The following PXDN variants were observed in gnomAD, a reference collection of about 807,000 sequenced individuals.
The protein encoded by PXDN is peroxidasin homolog.
Under a neutral mutation model 140.3 loss-of-function variants are expected in PXDN, and 77 were observed. That is an observed-to-expected ratio of 0.55 (90% CI 0.46 to 0.66). PXDN has a LOEUF of 0.66. Ranked by LOEUF, PXDN falls within the 30% of genes least tolerant of loss-of-function variation. The pLI, the probability that PXDN is intolerant of heterozygous loss-of-function variation, is 0.00. For synonymous variants in PXDN, 911 were observed against 857.4 expected, an observed-to-expected ratio of 1.06 and a Z score of -1.09; for missense variants, 1,838 against 2,039.5, an observed-to-expected ratio of 0.90 and a Z score of 1.90.
In PXDN at chr2:1,744,412, G is replaced by A; in HGVS notation, c.44C>T (p.Ala15Val). The A allele has an allele frequency of 6.6e-7, 1 of 1,510,354 alleles. No homozygotes were observed. Among genetic ancestry groups the A allele is most frequent in the Non-Finnish European group, 8.8e-7 (1 of 1,136,482 alleles). 93.6% of individuals were successfully genotyped at this position (1,510,354 alleles called of 1,614,324 possible). ...CCCCCAGGCGCAGAACAGCACGAGC[G>A]CCAACAGGCAGCGGCGCCCGGGGCC... ...SRGPGRRCLL[A>V]LVLFCAWGTL... Residue 15 changes from alanine to valine, a missense_variant, in exon 1 of 23, where the codon GCG becomes GTG. Around this residue, in one of 5 missense-constraint regions of PXDN, gnomAD observed 231 missense variants for 201.5 expected, o/e 1.15. Coordinates refer to ENST00000252804, the MANE Select transcript of PXDN (RefSeq NM_012293.3).
At chr2:1,658,449 G>A (rs1370599301) in intron 14 of PXDN, among the ~76,000 whole-genome samples, 1 of 151,556 alleles carries the variant, frequency 6.6e-6, no homozygotes, top group Non-Finnish European at 1.5e-5. Flanking sequence ...GCCAACTACT[G>A]CCAGGCCCCC....
intron 11 of PXDN, chr2:1,664,057 T>C: frequency 2.8e-6 from 1 of 353,570 alleles, no homozygotes; most frequent in East Asian, 5.1e-5. Context: ...GCGGGGTGGA[T>C]GGCCAGCTGG....
In PXDN at chr2:1,687,070, G is replaced by A. The variant is rs1445068336; in HGVS notation, c.416+562C>T. ...ACACGCTGACTTCACAGCAAAGTAC[G>A]ACTTCACGTTGGCCAAAGAAACTAA... On this transcript the variant is annotated intron_variant, in intron 4 of 22. Coordinates refer to ENST00000252804, the MANE Select transcript of PXDN (RefSeq NM_012293.3). This position sits in a 1 kb window ranked among gnomAD's most constrained non-coding sequence, Gnocchi z 4.0. 2.6e-5 allele frequency among the ~76,000 whole-genome samples: 4 copies of A among 152,222 alleles called. No individual in the cohort carries two copies.
Position 1,665,024 on chromosome 2 carries a change from G to C in PXDN, c.1342C>G (p.Gln448Glu). The change falls in exon 11 of 23, where the codon CAG becomes GAG. Residue 448 changes from glutamine to glutamate, a missense_variant. By Grantham distance (29) the Gln-to-Glu change is conservative. Coordinates refer to ENST00000252804, the MANE Select transcript of PXDN (RefSeq NM_012293.3). ...TPQDRVVIEG[Q>E]TVDFQCEAKG... ...GCTTCACACTGGAAATCCACGGTCT[G>C]GCCCTCAATAACGACTCTGTCCTGA... is the stretch of plus-strand genomic sequence containing the variant. 2 of 1,612,728 alleles carry C rather than the reference G, an allele frequency of 1.2e-6. No individual in the cohort carries two copies. Among genetic ancestry groups the C allele is most frequent in the Middle Eastern group, 1.7e-4 (1 of 6,060 alleles).
intron 1 of PXDN, among the ~76,000 whole-genome samples, chr2:1,711,857 A>C (rs563710880): frequency 2.0e-5 from 3 of 148,018 alleles, no homozygotes; most frequent in Admixed American, 6.7e-5. Context: ...CCCTATAAAT[A>C]GGGGCCTGGA....
chr2:1,743,920 G>A (rs1484922073), intron 1 of PXDN, among the ~76,000 whole-genome samples: 3 of 145,456 alleles, frequency 2.1e-5, no homozygotes, highest in Non-Finnish European at 3.0e-5. Context: ...GGGGCGGCGG[G>A]AGGCGAGCGG....
At chr2:1,689,204 GTATATA>G in intron 3 of PXDN, among the ~76,000 whole-genome samples, 1 of 152,288 alleles carries the variant, frequency 6.6e-6, no homozygotes, top group African/African-American at 2.4e-5. Context: ...TAATGTGTGT[GTATATA>G]TATAAAGCTC....
chr2:1,698,711 CAG>C lies in PXDN; in HGVS notation c.201-5579_201-5578del, dbSNP rs1684352728. Among the ~76,000 whole-genome samples the C allele has an allele frequency of 2.6e-5, 4 of 152,114 alleles. No individual in the cohort carries two copies. The South Asian group carries it at 8.3e-4, about 32-fold the overall frequency. On this transcript the variant is annotated intron_variant, in intron 1 of 22. Transcript: ENST00000252804. ...GTTAATCCTCCCTGGTAGAATTCAC[CAG>C]ACTCTTCCACTTACATTCAAGAGTT...
At chr2:1,640,309 G>A (rs919843899) in intron 19 of PXDN, among the ~76,000 whole-genome samples, 2 of 152,246 alleles carry the variant, frequency 1.3e-5, no homozygotes, top group Non-Finnish European at 2.9e-5. Context: ...AAAGTGAAGG[G>A]CAAATATGGA....
chr2:1,679,905 A>C (rs1191382309), intron 7 of PXDN, among the ~76,000 whole-genome samples: 1 of 136,780 alleles, frequency 7.3e-6, no homozygotes, highest in Non-Finnish European at 1.5e-5. Flanking sequence ...GTGTGTGTGT[A>C]AATGGTGTGT....
chr2:1,705,169 G>A (rs533642637), intron 1 of PXDN, among the ~76,000 whole-genome samples: 18 of 152,034 alleles, frequency 1.2e-4, no homozygotes, highest in Non-Finnish European at 1.6e-4. Flanking sequence ...CCCCGGAGCC[G>A]TGAGAGCAGA....
intron 6 of PXDN, 111 bp downstream of exon 6, chr2:1,683,545 G>GCT: frequency 2.3e-6 from 1 of 428,714 alleles, no homozygotes; most frequent in Non-Finnish European, 3.6e-6. Context: ...CATTCTTTCA[G>GCT]AATCAGATTG....
chr2:1,725,504 G>A (rs900761746), intron 1 of PXDN, among the ~76,000 whole-genome samples: 11 of 151,862 alleles, frequency 7.2e-5, no homozygotes, highest in African/African-American at 1.9e-4. Flanking sequence ...TACCATTCAG[G>A]ACATAGGCAT....
chr2:1,634,124 T>C lies in PXDN; in HGVS notation c.*80A>G. 1 of 1,525,640 alleles carries C rather than the reference T, an allele frequency of 6.6e-7. No homozygotes were observed. The highest frequency in any genetic ancestry group is 8.9e-7 in the Non-Finnish European group (1 of 1,129,056). 94.5% of individuals were successfully genotyped at this position (1,525,640 alleles called of 1,614,324 possible). ...CACGAGTTCTGGGTGTTTCCTGGTC[T>C]GCAGTCCGCAGCTCCCTGCCATCGG... On this transcript the variant is annotated 3_prime_UTR_variant, in exon 23 of 23. Transcript: ENST00000252804.
rs1219714057 is a variant in PXDN, at chr2:1,639,566, G to A, written c.3953-144C>T. ...TTTCAGTGAGGCAACCTGGCAGCTG[G>A]TCTGCGGCTCTTACCCTCTCCTGGT... On this transcript the variant is annotated intron_variant, in intron 19 of 22. Coordinates refer to ENST00000252804, the MANE Select transcript of PXDN (RefSeq NM_012293.3). The surrounding 1 kb of genome is among the most constrained non-coding windows in gnomAD (Gnocchi z 5.0). 2.7e-5 allele frequency: 33 copies of A among 1,233,272 alleles called. No homozygotes were observed. Among genetic ancestry groups the A allele is most frequent in the Non-Finnish European group, 3.5e-5 (31 of 877,346 alleles). The allele number at this position is 1,233,272 out of a possible 1,614,324, so 76.4% of individuals were successfully genotyped here.
chr2:1,680,111 G>T, intron 7 of PXDN, 82 bp downstream of exon 7: 2 of 1,433,640 alleles, frequency 1.4e-6, no homozygotes, highest in African/African-American at 1.4e-5. Flanking sequence ...TGGATGTTGT[G>T]TGTGTAGATG....
At chr2:1,663,490 G>A (rs1683354021) in intron 12 of PXDN, 115 bp downstream of exon 12, 5 of 1,408,024 alleles carry the variant, frequency 3.6e-6, no homozygotes, top group Non-Finnish European at 4.8e-6. Context: ...AAAATGCAGA[G>A]AGAACAGCCA....
chr2:1,716,987 C>T (rs866066694), intron 1 of PXDN, among the ~76,000 whole-genome samples: 3 of 152,196 alleles, frequency 2.0e-5, no homozygotes, highest in Admixed American at 6.5e-5. Flanking sequence ...AAACCCTGCT[C>T]TCTGACCCAC....
chr2:1,706,413 G>A (rs1388930848), intron 1 of PXDN, among the ~76,000 whole-genome samples: 1 of 146,578 alleles, frequency 6.8e-6, no homozygotes, highest in African/African-American at 2.6e-5. Context: ...ATTGCCAGAA[G>A]CCAGTCACCT....
Sources: allele counts gnomAD v4.1 joint callset (sites outside exome capture counted in the v4.1 genomes callset), GRCh38; gene constraint gnomAD v4.1.1; regional missense constraint gnomAD v4.1.1; non-coding constraint Gnocchi (gnomAD v3.1); transcripts MANE v1.5; gene names NCBI Gene and HGNC (gene_info 2026-07-23, HGNC 2026-07-21).